Variants in DLGAP2 observed in about 807,000 individuals in gnomAD.
The protein encoded by DLGAP2 is DLG associated protein 2.
Under a neutral mutation model 100.3 loss-of-function variants are expected in DLGAP2, and 26 were observed. The observed-to-expected ratio is 0.26, with a 90% CI of 0.19 to 0.36. DLGAP2 has a LOEUF of 0.36. Ranked by LOEUF, DLGAP2 falls within the 10% of genes least tolerant of loss-of-function variation. The pLI, the probability that DLGAP2 is intolerant of heterozygous loss-of-function variation, is 1.00. For synonymous variants in DLGAP2, 886 were observed against 630.1 expected, an observed-to-expected ratio of 1.41 and a Z score of -6.08; for missense variants, 1,858 against 1,453.2, an observed-to-expected ratio of 1.28 and a Z score of -4.53.
chr8:1,254,270 T>G (rs1799120339), intron 2 of DLGAP2, among the ~76,000 whole-genome samples: 1 of 152,148 alleles, frequency 6.6e-6, no homozygotes, highest in African/African-American at 2.4e-5. Flanking sequence ...CCCGGGCACA[T>G]CCAGGACTCC....
intron 2 of DLGAP2, among the ~76,000 whole-genome samples, chr8:1,103,517 G>T (rs1482366848): frequency 1.0e-5 from 1 of 98,642 alleles, no homozygotes; most frequent in Non-Finnish European, 1.8e-5. Flanking sequence ...GCGGGGCCTT[G>T]GTTGACGGTG....
At chr8:1,221,113 T>C (rs942782700) in intron 2 of DLGAP2, among the ~76,000 whole-genome samples, 2 of 152,200 alleles carry the variant, frequency 1.3e-5, no homozygotes, top group African/African-American at 4.8e-5. Context: ...AAGGTTAATA[T>C]TGGTATGTGA....
At chr8:1,005,035 A>G (rs1801066562) in intron 2 of DLGAP2, among the ~76,000 whole-genome samples, 1 of 152,142 alleles carries the variant, frequency 6.6e-6, no homozygotes, top group African/African-American at 2.4e-5. Context: ...CATGGAGGGC[A>G]ATGAGTGAAG....
chr8:1,062,579 G>C (rs1249044707), intron 2 of DLGAP2, among the ~76,000 whole-genome samples: 1 of 152,190 alleles, frequency 6.6e-6, no homozygotes, highest in Non-Finnish European at 1.5e-5. Context: ...TAGCCAGCTG[G>C]TAGCACTCAA....
rs913392453 is a variant in DLGAP2, at chr8:1,269,826, G to A, written c.106+10943G>A. ...GTATTTTTAAAGCTAGAGAATCACC[G>A]TGGTGTAATGGGCGCGCCAGAAGCC... On this transcript the variant is annotated intron_variant, in intron 3 of 14. Transcript: ENST00000637795. Among the ~76,000 whole-genome samples the A allele has an allele frequency of 3.3e-5, 5 of 152,138 alleles. No individual in the cohort carries two copies. In the East Asian group the frequency reaches 5.8e-4, roughly 18 times the overall value.
At chr8:1,591,061 C>T (rs75375819) in intron 6 of DLGAP2, among the ~76,000 whole-genome samples, 7,700 of 152,270 alleles carry the variant, frequency 0.051, 635 homozygotes, top group African/African-American at 0.17. Context: ...CTTCCGTGCT[C>T]GGGACCCAAC....
chr8:1,033,159 C>T (rs944629216), intron 2 of DLGAP2, among the ~76,000 whole-genome samples: 1 of 152,068 alleles, frequency 6.6e-6, no homozygotes, highest in Non-Finnish European at 1.5e-5. Flanking sequence ...CCTTCCTCTG[C>T]ACAGACAGAT....
intron 6 of DLGAP2, among the ~76,000 whole-genome samples, chr8:1,582,111 C>G (rs1206626419): frequency 1.4e-5 from 2 of 144,880 alleles, no homozygotes; most frequent in Non-Finnish European, 3.0e-5. Context: ...CACAGTCAAA[C>G]TACCAGAAGT....
intron 2 of DLGAP2, among the ~76,000 whole-genome samples, chr8:926,547 T>G (rs959668304): frequency 1.3e-5 from 2 of 152,244 alleles, no homozygotes; most frequent in African/African-American, 4.8e-5. Flanking sequence ...ATTGCTCTCC[T>G]GGCTCCTGGA....
intron 2 of DLGAP2, among the ~76,000 whole-genome samples, chr8:1,172,759 A>G (rs914505312): frequency 6.6e-6 from 1 of 151,940 alleles, no homozygotes; most frequent in African/African-American, 2.4e-5. Context: ...ACTTCTCTGT[A>G]TTGGTTATTC....
intron 3 of DLGAP2, among the ~76,000 whole-genome samples, chr8:1,366,607 C>T (rs912650459): frequency 2.0e-5 from 3 of 152,082 alleles, no homozygotes; most frequent in African/African-American, 7.2e-5. Context: ...TGTACAGGGG[C>T]ACAGGAACAG....
At chr8:1,626,114 TG>T (rs1797488974) in intron 6 of DLGAP2, among the ~76,000 whole-genome samples, 1 of 106,350 alleles carries the variant, frequency 9.4e-6, no homozygotes, top group Non-Finnish European at 1.9e-5. Context: ...GTTGGACGGC[TG>T]TTCCCACCTC....
intron 3 of DLGAP2, among the ~76,000 whole-genome samples, chr8:1,347,507 C>T (rs1022299816): frequency 6.6e-6 from 1 of 151,942 alleles, no homozygotes; most frequent in African/African-American, 2.4e-5. Context: ...GTTCATTTCC[C>T]ACATAGAGCT....
At chr8:1,568,876 CAAAT>C (rs1802535036) in intron 6 of DLGAP2, among the ~76,000 whole-genome samples, 1 of 71,666 alleles carries the variant, frequency 1.4e-5, no homozygotes, top group Non-Finnish European at 3.1e-5. Context: ...TCAGCAGACA[CAAAT>C]CCATCTCTGC....
At chr8:1,184,151 G>C (rs533828200) in intron 2 of DLGAP2, among the ~76,000 whole-genome samples, 2 of 152,190 alleles carry the variant, frequency 1.3e-5, no homozygotes, top group Non-Finnish European at 2.9e-5. Context: ...GTTGCACAGC[G>C]GTCTCTTTTA....
intron 3 of DLGAP2, among the ~76,000 whole-genome samples, chr8:1,472,504 G>A (rs1798831175): frequency 6.6e-6 from 1 of 152,206 alleles, no homozygotes; most frequent in Non-Finnish European, 1.5e-5. Flanking sequence ...ACAAGGACAA[G>A]GGTAGAAGCA....
intron 2 of DLGAP2, among the ~76,000 whole-genome samples, chr8:1,173,579 G>A (rs1028993477): frequency 2.6e-5 from 4 of 152,204 alleles, no homozygotes; most frequent in Non-Finnish European, 4.4e-5. Flanking sequence ...AAGCAAGCCT[G>A]GGCAATGGTG....
intron 2 of DLGAP2, among the ~76,000 whole-genome samples, chr8:1,132,621 G>C (rs1796317494): frequency 6.6e-6 from 1 of 152,216 alleles, no homozygotes; most frequent in Admixed American, 6.5e-5. Context: ...TCACACCGAA[G>C]TTTTGGCAGT....
intron 2 of DLGAP2, among the ~76,000 whole-genome samples, chr8:1,160,020 C>T (rs919949083): frequency 5.9e-5 from 9 of 152,288 alleles, no homozygotes; most frequent in Admixed American, 3.3e-4. Flanking sequence ...ACCACCTGCA[C>T]GCTGTTTGTG....
Sources: allele counts gnomAD v4.1 joint callset (sites outside exome capture counted in the v4.1 genomes callset), GRCh38; gene constraint gnomAD v4.1.1; transcripts MANE v1.5; gene names NCBI Gene and HGNC (gene_info 2026-07-23, HGNC 2026-07-21).